The following NHLH2 variants were observed in gnomAD, a reference collection of about 807,000 sequenced individuals.
NHLH2 encodes the protein nescient helix-loop-helix 2, also known as helix-loop-helix protein 2.
NHLH2 carries 7 observed loss-of-function variants against 7.3 expected under a neutral mutation model. The ratio of observed to expected loss-of-function variants is 0.96; its 90% CI spans 0.55 to 1.81. NHLH2 has a LOEUF of 1.81. Ranked by LOEUF, NHLH2 falls within the 40% of genes most tolerant of loss-of-function variation. The pLI is 0.00. For missense variants in NHLH2, 155 were observed against 194.0 expected (o/e 0.80, Z 1.19); for synonymous variants, 93 against 91.6 (o/e 1.01, Z -0.09).
At chr1:115,834,662 G>C (rs939163763), downstream of NHLH2, among the ~76,000 whole-genome samples, 1 of 152,160 alleles carries the variant, frequency 6.6e-6, no homozygotes, top group African/African-American at 2.4e-5. Context: ...CCCAGCACCA[G>C]CACGTCCAGC....
At chr1:115,839,112 C>A (rs1312908526) in intron 2 of NHLH2, 1 of 167,236 alleles carries the variant, frequency 6.0e-6, no homozygotes, top group Admixed American at 6.5e-5. Flanking sequence ...CGCAGGCTCC[C>A]GGAGCACCAT....
chr1:115,838,262 GTCC>G lies in NHLH2; in HGVS notation c.108_110del (p.Asp37del). ...CCTCGGCCTCCTCCACCGGCTCCAG[GTCC>G]GACACGCTGCCGAGCACCTTGGTGT... On this transcript the variant is annotated inframe_deletion, in exon 3 of 3. Transcript: ENST00000320238. The G allele has an allele frequency of 6.9e-6, 11 of 1,593,612 alleles. No homozygotes were observed. Among genetic ancestry groups the G allele is most frequent in the Non-Finnish European group, 9.4e-6 (11 of 1,172,438 alleles).
downstream of NHLH2, among the ~76,000 whole-genome samples, chr1:115,831,635 C>T (rs1970553): frequency 0.065 from 9,877 of 152,120 alleles, 1,116 homozygotes; most frequent in African/African-American, 0.23. Flanking sequence ...TACCCCTTGT[C>T]TGGCTGGGCG....
rs1302163692 is a variant in NHLH2 at position 115,838,354 on chromosome 1, G to C, written c.19C>G (p.Gln7Glu). Residue 7 changes from glutamine (Q) to glutamate (E), a missense_variant, in exon 3 of 3, where the codon CAA becomes GAA. Gln to Glu is a conservative substitution (Grantham distance 29). Around this residue, in one of 2 missense-constraint regions of NHLH2, gnomAD observed 91 missense variants for 86.6 expected, o/e 1.05. Transcript: ENST00000320238. ...CTGGGATGGTCCGAATCTGCTGCTT[G>C]GTCCGGACTCAGCATCATTTTGGAG... MMLSPD[Q>E]AADSDHPSSA... is the part of the protein sequence containing the mutation. The C allele has an allele frequency of 6.2e-7, 1 of 1,609,228 alleles. No homozygotes were observed. Among genetic ancestry groups the C allele is most frequent in the South Asian group, 1.1e-5 (1 of 90,928 alleles).
downstream of NHLH2, among the ~76,000 whole-genome samples, chr1:115,834,165 C>G (rs1048593588): frequency 1.3e-5 from 2 of 152,218 alleles, no homozygotes; most frequent in Non-Finnish European, 2.9e-5. Context: ...TCCCCTCTCC[C>G]TGGAGAGGAA....
Position 115,837,707 on chromosome 1 carries a change from C to G in NHLH2, c.*258G>C. 2.1e-6 allele frequency: 1 copy of G among 487,602 alleles called. No individual in the cohort carries two copies. Among genetic ancestry groups the G allele is most frequent in the South Asian group, 2.5e-5 (1 of 40,096 alleles). 30.2% of individuals were successfully genotyped at this position (487,602 alleles called of 1,614,324 possible). A position where few individuals can be genotyped will look rare whatever the true frequency, so the allele number is the denominator to read the frequency against. On this transcript the variant is annotated 3_prime_UTR_variant, in exon 3 of 3. Transcript: ENST00000320238. Reference sequence around the variant, plus strand: ...AAGTGGCTCATCTCGGGTGTCTCCACGAGGTTCTCCTGGCCTGGAAAATCC... The same window carrying G: ...AAGTGGCTCATCTCGGGTGTCTCCAGGAGGTTCTCCTGGCCTGGAAAATCC...
rs1370409381 is a variant in NHLH2, at chr1:115,838,037, C to T, written c.336G>A (p.Lys112=). The T allele has an allele frequency of 6.2e-7, 1 of 1,610,424 alleles. No individual in the cohort carries two copies. The highest frequency in any genetic ancestry group is 8.5e-7 in the Non-Finnish European group (1 of 1,178,530). ...GGCGCAGGATCTCGATCTTGGAGAGCTTCTTGTCCGGGGGCAGCGTGGGCA... is the reference window on the plus strand; with the variant it reads ...GGCGCAGGATCTCGATCTTGGAGAGTTTCTTGTCCGGGGGCAGCGTGGGCA... ...KLLPTLPPDK[K]LSKIEILRLA... is the part of the protein sequence containing the mutation. Residue 112 remains lysine, a synonymous_variant, in exon 3 of 3, where the codon AAG becomes AAA. Coordinates refer to ENST00000320238, the MANE Select transcript of NHLH2 (RefSeq NM_005599.3).
At chr1:115,838,620 G>A in intron 2 of NHLH2, 2 of 442,306 alleles carry the variant, frequency 4.5e-6, no homozygotes, top group East Asian at 8.2e-5. Context: ...CCGCATACTA[G>A]ACTGGACACC....
At chr1:115,834,551 G>A (rs149432584), downstream of NHLH2, among the ~76,000 whole-genome samples, 4 of 152,298 alleles carry the variant, frequency 2.6e-5, no homozygotes, top group Admixed American at 6.5e-5. Flanking sequence ...GCCAGTGGCA[G>A]CAACTGTATA....
downstream of NHLH2, among the ~76,000 whole-genome samples, chr1:115,832,957 A>C (rs2101190994): frequency 1.3e-5 from 2 of 152,330 alleles, no homozygotes; most frequent in East Asian, 1.9e-4. Context: ...GGAAGTGAGG[A>C]AACCGAGTTT....
rs1483659503 is a variant in NHLH2 at position 115,840,455 on chromosome 1, A to C, written c.-248T>G. The stretch of plus-strand genomic sequence containing the variant: ...TTTTTAAAAAACGCTTTTTCCTTTT[A>C]ATTGTTCTCAAACATTGCAAGAAAT... On this transcript the variant is annotated 5_prime_UTR_variant, in exon 2 of 3. The change creates a new upstream start codon in the 5' untranslated region. Transcript: ENST00000320238. The C allele has an allele frequency of 6.0e-6, 1 of 166,950 alleles. No individual in the cohort carries two copies. The highest frequency in any genetic ancestry group is 6.5e-5 in the Admixed American group (1 of 15,294). The allele number at this position is 166,950 out of a possible 1,614,324, so 10.3% of individuals were successfully genotyped here. A position where few individuals can be genotyped will look rare whatever the true frequency, so the allele number is the denominator to read the frequency against.
rs1651042150 is a variant in NHLH2 at position 115,840,492 on chromosome 1, T to C, written c.-285A>G. The C allele has an allele frequency of 6.0e-6, 1 of 167,006 alleles. No individual in the cohort carries two copies. Among genetic ancestry groups the C allele is most frequent in the Non-Finnish European group, 1.5e-5 (1 of 68,120 alleles). The allele number at this position is 167,006 out of a possible 1,614,324, so 10.3% of individuals were successfully genotyped here. ...ACATTGCAAGAAATTCGTTGATGATTTTTTTAAACGATGTGTTGAAAAGTC... is the reference window on the plus strand; with the variant it reads ...ACATTGCAAGAAATTCGTTGATGATCTTTTTAAACGATGTGTTGAAAAGTC... On this transcript the variant is annotated 5_prime_UTR_variant, in exon 2 of 3. Coordinates refer to ENST00000320238, the MANE Select transcript of NHLH2 (RefSeq NM_005599.3).
At position 115,837,806 on chromosome 1, in the gene NHLH2, A is replaced by T; in HGVS notation, c.*159T>A. ...GAAACCTTCCCTCGTCGCCCTGCTG[A>T]CCAGAGAGAACAGGTAGCGAGCTTC... On this transcript the variant is annotated 3_prime_UTR_variant, in exon 3 of 3. Transcript: ENST00000320238. The T allele has an allele frequency of 1.3e-6, 1 of 777,458 alleles. No homozygotes were observed. Among genetic ancestry groups the T allele is most frequent in the South Asian group, 2.0e-5 (1 of 50,452 alleles). 48.2% of individuals were successfully genotyped at this position (777,458 alleles called of 1,614,324 possible).
In NHLH2 at chr1:115,841,005, A is replaced by G. The variant is rs572888241; in HGVS notation, c.-395T>C. The G allele has an allele frequency of 8.4e-4, 141 of 167,250 alleles. No homozygotes were observed. Among genetic ancestry groups the G allele is most frequent in the Non-Finnish European group, 1.6e-3 (107 of 68,178 alleles). The allele number at this position is 167,250 out of a possible 1,614,324, so 10.4% of individuals were successfully genotyped here. On this transcript the variant is annotated 5_prime_UTR_variant, in exon 1 of 3. Transcript: ENST00000320238. ...GAGATGCTTGGAGAAAGGTTGGTGA[A>G]AAGTGAACGTCTCCTGGAGTAACAG...
At chr1:115,836,029 T>C (rs1213398532), downstream of NHLH2, among the ~76,000 whole-genome samples, 1 of 152,074 alleles carries the variant, frequency 6.6e-6, no homozygotes, top group Non-Finnish European at 1.5e-5. Flanking sequence ...GGTCACTCCT[T>C]GGGCCTCAGT....
downstream of NHLH2, among the ~76,000 whole-genome samples, chr1:115,831,656 C>T (rs1041632147): frequency 5.1e-5 from 7 of 137,012 alleles, no homozygotes; most frequent in African/African-American, 1.6e-4. Context: ...CGGTGGCTCA[C>T]GCCTGTAATC....
At chr1:115,833,081 A>G (rs889783774), downstream of NHLH2, among the ~76,000 whole-genome samples, 1 of 152,210 alleles carries the variant, frequency 6.6e-6, no homozygotes, top group African/African-American at 2.4e-5. Context: ...ATTAAAAAAT[A>G]AAATGGACAT....
At chr1:115,835,631 C>T (rs570933200), downstream of NHLH2, among the ~76,000 whole-genome samples, 185 of 152,326 alleles carry the variant, frequency 1.2e-3, 1 homozygote, top group African/African-American at 4.3e-3. Flanking sequence ...ATTTTATATG[C>T]ATAAGGCCAA....
At position 115,840,360 on chromosome 1, in the gene NHLH2, G is replaced by C. The variant is rs1651037875; in HGVS notation, c.-153C>G. ...AAAAAGCAGCTGTCATCTCGCTGGT[G>C]TCCGCAGCGAGGGACAATAATATCT... On this transcript the variant is annotated 5_prime_UTR_variant, in exon 2 of 3. Transcript: ENST00000320238. 6.0e-6 allele frequency: 1 copy of C among 167,064 alleles called. No individual in the cohort carries two copies. Among genetic ancestry groups the C allele is most frequent in the Non-Finnish European group, 1.5e-5 (1 of 68,124 alleles). The allele number at this position is 167,064 out of a possible 1,614,324, so 10.3% of individuals were successfully genotyped here.
Sources: gnomAD v4.1 joint callset for allele counts (sites outside exome capture counted in the v4.1 genomes callset) on GRCh38, gnomAD v4.1.1 for gene constraint, gnomAD v4.1.1 regional missense constraint, MANE v1.5 for transcripts, NCBI Gene and HGNC (gene_info 2026-07-23, HGNC 2026-07-21) for gene names.